MAP2K5: variants seen among roughly 807,000 people sequenced by gnomAD.
MAP2K5 encodes the protein dual specificity mitogen-activated protein kinase kinase 5.
Under a neutral mutation model 83.1 loss-of-function variants are expected in MAP2K5, and 49 were observed. That is an observed-to-expected ratio of 0.59 (90% CI 0.47 to 0.75). The LOEUF is 0.75. Among genes scored for constraint, MAP2K5 ranks in the 30% least tolerant of loss-of-function variants. The pLI, the probability that MAP2K5 is intolerant of heterozygous loss-of-function variation, is 0.00. For missense variants in MAP2K5, 457 were observed against 557.5 expected (o/e 0.82, Z 1.82); for synonymous variants, 202 against 191.8 (o/e 1.05, Z -0.44).
chr15:67,550,173 A>AAACAGATT, intron 2 of MAP2K5, 91 bp downstream of exon 2: 2 of 933,702 alleles, frequency 2.1e-6, no homozygotes, highest in Non-Finnish European at 3.5e-6. Flanking sequence ...AAACTGACAA[A>AAACAGATT]AACAGATTAT....
chr15:67,560,556 T>G (rs1381169224), intron 2 of MAP2K5, among the ~76,000 whole-genome samples: 1 of 152,262 alleles, frequency 6.6e-6, no homozygotes. Context: ...GAAATCTTCT[T>G]TTGGAGTCAG....
At chr15:67,697,815 T>C (rs2088304477) in intron 15 of MAP2K5, among the ~76,000 whole-genome samples, 1 of 152,198 alleles carries the variant, frequency 6.6e-6, no homozygotes, top group Non-Finnish European at 1.5e-5. Context: ...TAATCTCACT[T>C]AATCTGTAAT....
chr15:67,734,569 G>A (rs2089296680), intron 17 of MAP2K5, among the ~76,000 whole-genome samples: 1 of 152,018 alleles, frequency 6.6e-6, no homozygotes, highest in African/African-American at 2.4e-5. Context: ...TGTTTTAAAA[G>A]CCTTTGACTA....
chr15:67,776,618 C>T (rs2090244019), intron 21 of MAP2K5, among the ~76,000 whole-genome samples: 1 of 152,100 alleles, frequency 6.6e-6, no homozygotes. Flanking sequence ...ACAAAGACAA[C>T]CTAAGATGAG....
chr15:67,659,719 A>C (rs1190811724), intron 12 of MAP2K5, among the ~76,000 whole-genome samples: 2 of 152,036 alleles, frequency 1.3e-5, no homozygotes, highest in Non-Finnish European at 2.9e-5. Flanking sequence ...AATAAAGGGC[A>C]AAAAAAGGCA....
chr15:67,620,911 G>A (rs147027127), intron 8 of MAP2K5, among the ~76,000 whole-genome samples: 2 of 152,224 alleles, frequency 1.3e-5, no homozygotes, highest in Non-Finnish European at 2.9e-5. Context: ...AAGTCGATAG[G>A]TGTAAAGTAA....
At chr15:67,600,388 A>G (rs1034694431) in intron 7 of MAP2K5, among the ~76,000 whole-genome samples, 1 of 152,162 alleles carries the variant, frequency 6.6e-6, no homozygotes, top group Non-Finnish European at 1.5e-5. Context: ...CTGTTTTCTT[A>G]TCAGTATCTC....
In MAP2K5 at chr15:67,778,270, T is replaced by C. The variant is rs1390816337; in HGVS notation, c.1242+5518T>C. Among the ~76,000 whole-genome samples the C allele has an allele frequency of 6.6e-6, 1 of 152,240 alleles. No homozygotes were observed. Among genetic ancestry groups the C allele is most frequent in the Non-Finnish European group, 1.5e-5 (1 of 68,040 alleles). On this transcript the variant is annotated intron_variant, in intron 21 of 21. Transcript: ENST00000178640. The surrounding 1 kb of genome is among the most constrained non-coding windows in gnomAD (Gnocchi z 5.0). ...TTACATTTTCAGATAGTATGGTTGG[T>C]TGTTCTCTCAATTAATCAAGGTATA... is the stretch of plus-strand genomic sequence containing the variant.
intron 8 of MAP2K5, among the ~76,000 whole-genome samples, chr15:67,624,078 A>G (rs1025026158): frequency 6.0e-5 from 9 of 150,066 alleles, no homozygotes; most frequent in East Asian, 2.0e-4. Context: ...AGTGGCTCAC[A>G]CCTGTAATCC....
At chr15:67,664,112 C>T (rs368441140) in intron 12 of MAP2K5, among the ~76,000 whole-genome samples, 104 of 152,072 alleles carry the variant, frequency 6.8e-4, no homozygotes, top group African/African-American at 2.5e-3. Context: ...AAGGTAGGAA[C>T]CTGTGGCTTT....
intron 17 of MAP2K5, among the ~76,000 whole-genome samples, chr15:67,728,715 G>A (rs940343742): frequency 1.3e-5 from 2 of 152,186 alleles, no homozygotes; most frequent in African/African-American, 4.8e-5. Flanking sequence ...TGATTTAAAG[G>A]TGGTGTTGGT....
chr15:67,581,547 T>C (rs1209564706), intron 4 of MAP2K5, among the ~76,000 whole-genome samples: 3 of 152,224 alleles, frequency 2.0e-5, no homozygotes, highest in African/African-American at 7.2e-5. Context: ...TTGGAATCCA[T>C]GTTTTCTAAC....
intron 13 of MAP2K5, among the ~76,000 whole-genome samples, chr15:67,671,853 C>A (rs1483129214): frequency 1.4e-5 from 2 of 139,992 alleles, no homozygotes; most frequent in East Asian, 2.2e-4. Context: ...TGATGTTCCC[C>A]TTCCTGTGTC....
intron 16 of MAP2K5, among the ~76,000 whole-genome samples, chr15:67,723,618 CT>C (rs1477186348): frequency 6.6e-6 from 1 of 152,182 alleles, no homozygotes; most frequent in Non-Finnish European, 1.5e-5. Context: ...CCTCCACCCC[CT>C]GGCCCCAAAT....
At chr15:67,792,878 G>C (rs1566966153) in intron 21 of MAP2K5, among the ~76,000 whole-genome samples, 1 of 152,206 alleles carries the variant, frequency 6.6e-6, no homozygotes, top group Non-Finnish European at 1.5e-5. Flanking sequence ...GTCCCCGTGA[G>C]ATCACATGGT....
At chr15:67,692,303 T>C (rs935706902) in intron 13 of MAP2K5, among the ~76,000 whole-genome samples, 176 bp from the exon 14 acceptor site, 1 of 152,216 alleles carries the variant, frequency 6.6e-6, no homozygotes, top group Admixed American at 6.5e-5. Context: ...AGTTAAGACC[T>C]TACATTTTAC....
At chr15:67,566,361 A>G (rs1184227647) in intron 3 of MAP2K5, among the ~76,000 whole-genome samples, 1 of 152,050 alleles carries the variant, frequency 6.6e-6, no homozygotes, top group Non-Finnish European at 1.5e-5. Context: ...TTTTTGGTAG[A>G]GATGGGATTT....
chr15:67,627,202 G>T (rs537119792), intron 8 of MAP2K5, among the ~76,000 whole-genome samples: 4 of 152,230 alleles, frequency 2.6e-5, no homozygotes, highest in Non-Finnish European at 4.4e-5. Context: ...TCCTGCGTTG[G>T]CTTCCCAAAG....
intron 8 of MAP2K5, among the ~76,000 whole-genome samples, chr15:67,613,566 A>G (rs1029611126): frequency 6.6e-6 from 1 of 152,172 alleles, no homozygotes; most frequent in South Asian, 2.1e-4. Flanking sequence ...CCTGGAAACC[A>G]TCAGCTTTGA....
Sources: allele counts gnomAD v4.1 joint callset (sites outside exome capture counted in the v4.1 genomes callset), GRCh38; gene constraint gnomAD v4.1.1; non-coding constraint Gnocchi (gnomAD v3.1); transcripts MANE v1.5; gene names NCBI Gene and HGNC (gene_info 2026-07-23, HGNC 2026-07-21).